Variants in ZFP36L1 observed in about 807,000 individuals in gnomAD.
ZFP36L1 encodes ZFP36 like 1 zinc finger CCCH-type.
Under a neutral mutation model 16.7 loss-of-function variants are expected in ZFP36L1, and 4 were observed. The ratio of observed to expected loss-of-function variants is 0.24; its 90% CI spans 0.12 to 0.55. The LOEUF (loss-of-function observed/expected upper bound fraction) is 0.55. Among genes scored for constraint, ZFP36L1 ranks in the 20% least tolerant of loss-of-function variants. The pLI is 0.94. For synonymous variants in ZFP36L1, 220 were observed against 190.8 expected (o/e 1.15, Z -1.26); for missense variants, 311 against 449.2 (o/e 0.69, Z 2.78).
At chr14:68,796,171 G>A, upstream of ZFP36L1, 1 of 1,366,618 alleles carries the variant, frequency 7.3e-7, no homozygotes. Context: ...GCGTCCCTTC[G>A]TGGGGAGGGG....
Position 68,790,319 on chromosome 14 carries a change from G to T in ZFP36L1, c.231C>A (p.Pro77=). The change falls in exon 2 of 2, where the codon CCC becomes CCA. Residue 77 remains proline, a synonymous_variant. Coordinates refer to ENST00000439696, the MANE Select transcript of ZFP36L1 (RefSeq NM_004926.4). ...AGCGGCTGTCTCGCGAGCTCAGAGC[G>T]GGGGCTGGCTCACCCTTGAGGCTGC... ...LLSSLKGEPA[P]ALSSRDSRFR... 2.5e-6 allele frequency: 4 copies of T among 1,610,252 alleles called. No individual in the cohort carries two copies. The highest frequency in any genetic ancestry group is 1.7e-5 in the Admixed American group (1 of 59,992).
At chr14:68,793,122 G>A (rs1171057495), upstream of ZFP36L1, 2 of 1,337,936 alleles carry the variant, frequency 1.5e-6, no homozygotes, top group African/African-American at 1.5e-5. Context: ...GGGCCGGGGG[G>A]AGGAGGAGCT....
In ZFP36L1 at chr14:68,789,346, TC is replaced by T. The variant is rs1196277661; in HGVS notation, c.*186del. ...AAGAAGCTACTGACAAATTGACTTG[TC>T]CTTATGTTAGGTGGGGTTATGAGGG... On this transcript the variant is annotated 3_prime_UTR_variant, in exon 2 of 2. Coordinates refer to ENST00000439696, the MANE Select transcript of ZFP36L1 (RefSeq NM_004926.4). This position sits in a 1 kb window ranked among gnomAD's most constrained non-coding sequence, Gnocchi z 4.5. The T allele has an allele frequency of 1.2e-6, 1 of 809,716 alleles. No individual in the cohort carries two copies. The highest frequency in any genetic ancestry group is 1.9e-6 in the Non-Finnish European group (1 of 533,858). 50.2% of individuals were successfully genotyped at this position (809,716 alleles called of 1,614,324 possible).
chr14:68,792,847 A>T (rs577667719), intron 1 of ZFP36L1, 35 bp downstream of exon 1: 23 of 1,613,728 alleles, frequency 1.4e-5, no homozygotes, highest in Middle Eastern at 1.7e-4. Flanking sequence ...AAAGAAAAAG[A>T]CTTTTTGAAA....
upstream of ZFP36L1, chr14:68,796,082 G>A (rs775294198): frequency 7.4e-7 from 1 of 1,357,518 alleles, no homozygotes; most frequent in South Asian, 1.1e-5. Context: ...CACCTGCACT[G>A]CCGCTTCCGA....
Position 68,790,018 on chromosome 14 carries a change from T to C in ZFP36L1, c.532A>G (p.Asn178Asp). Residue 178 changes from asparagine (N) to aspartate (D), a missense_variant, in exon 2 of 2, where the codon AAC (asparagine) becomes GAC (aspartate). Asn to Asp is a conservative substitution (Grantham distance 23). This residue lies in a region of ZFP36L1 where 147 missense variants were observed against 192.0 expected (regional missense o/e 0.77). Transcript: ENST00000439696. ...GCCAGGGCACGGCGCTCTTCAGCGT[T>C]GTGGATGAAGTGGCAGCGGGGCCCG... Reference protein sequence around the residue: ...PYGPRCHFIHNAEERRALAGA... With the variant: ...PYGPRCHFIHDAEERRALAGA... The C allele has an allele frequency of 6.2e-7, 1 of 1,609,738 alleles. No homozygotes were observed. The highest frequency in any genetic ancestry group is 8.5e-7 in the Non-Finnish European group (1 of 1,178,524).
chr14:68,794,737 A>C (rs1895202954), upstream of ZFP36L1: 1 of 152,250 alleles, frequency 6.6e-6, no homozygotes, highest in African/African-American at 2.4e-5. Context: ...CCCAACACAC[A>C]CTTTTTTTTA....
intron 1 of ZFP36L1, among the ~76,000 whole-genome samples, chr14:68,791,969 A>C (rs1470964298): frequency 1.3e-5 from 2 of 152,222 alleles, no homozygotes; most frequent in Non-Finnish European, 2.9e-5. Flanking sequence ...GTAGCCCAGC[A>C]GCTTCACCCT....
chr14:68,792,775 G>A (rs1594718435), intron 1 of ZFP36L1, 107 bp downstream of exon 1: 7 of 1,458,836 alleles, frequency 4.8e-6, no homozygotes, highest in East Asian at 4.6e-5. Context: ...GAATCATCTC[G>A]CTGCACCACT....
chr14:68,792,832 A>G (rs1566561116), intron 1 of ZFP36L1, 50 bp downstream of exon 1: 3 of 1,611,936 alleles, frequency 1.9e-6, no homozygotes, highest in Non-Finnish European at 1.7e-6. Context: ...TTCTTTCTTA[A>G]GGCAAAAGAA....
chr14:68,791,024 T>C (rs1160112612), intron 1 of ZFP36L1: 1 of 702,140 alleles, frequency 1.4e-6, no homozygotes, highest in Non-Finnish European at 2.6e-6. Flanking sequence ...AAGTGTTCCC[T>C]TCCTTTGGCA....
At chr14:68,796,216 G>T, upstream of ZFP36L1, 1 of 1,366,790 alleles carries the variant, frequency 7.3e-7, no homozygotes, top group Non-Finnish European at 9.8e-7. Flanking sequence ...GTGGTGGTGG[G>T]GTGGGATGTT....
intron 1 of ZFP36L1, 147 bp downstream of exon 1, chr14:68,792,735 C>T: frequency 1.6e-6 from 2 of 1,228,082 alleles, no homozygotes; most frequent in Non-Finnish European, 1.2e-6. Context: ...CAAATTCCTT[C>T]AAACTTGGGA....
intron 1 of ZFP36L1, among the ~76,000 whole-genome samples, chr14:68,792,427 A>C (rs2140211904): frequency 6.6e-6 from 1 of 152,206 alleles, no homozygotes; most frequent in East Asian, 1.9e-4. Context: ...GTGGAGGAAA[A>C]CATTGTCCCG....
Position 68,789,001 on chromosome 14 carries a change from C to G in ZFP36L1, c.*532G>C, listed in dbSNP as rs1191141623. On this transcript the variant is annotated 3_prime_UTR_variant, in exon 2 of 2. Transcript: ENST00000439696. The surrounding 1 kb of genome is among the most constrained non-coding windows in gnomAD (Gnocchi z 4.5). ...GAAGAGGGGAGGAGGAATAAGTGTG[C>G]GGGAGACTGAAATGAGGGAAGGTGC... The G allele has an allele frequency of 6.5e-6, 1 of 153,016 alleles. No homozygotes were observed. 9.5% of individuals were successfully genotyped at this position (153,016 alleles called of 1,614,324 possible).
chr14:68,792,249 A>G (rs1190590384), intron 1 of ZFP36L1, among the ~76,000 whole-genome samples: 1 of 151,756 alleles, frequency 6.6e-6, no homozygotes, highest in Non-Finnish European at 1.5e-5. Flanking sequence ...AAGCGGGTCA[A>G]CCTGAATGCC....
At chr14:68,790,588 T>C in intron 1 of ZFP36L1, 96 bp from the exon 2 acceptor site, 1 of 1,510,004 alleles carries the variant, frequency 6.6e-7, no homozygotes, top group South Asian at 1.2e-5. Flanking sequence ...GCCCGCTCTT[T>C]CTCAAAGAAC....
Position 68,790,186 on chromosome 14 carries a change from G to A in ZFP36L1, c.364C>T (p.Pro122Ser). ...SSRYKTELCRPFEENGACKYG... is the reference protein window; with the variant it reads ...SSRYKTELCRSFEENGACKYG... ...TTACAGGCACCGTTTTCCTCAAAGG[G>A]GCGGCACAGCTCCGTCTTGTAGCGG... is the stretch of plus-strand genomic sequence containing the variant. The change falls in exon 2 of 2, where the codon CCC becomes TCC. Residue 122 changes from proline (P) to serine (S), a missense_variant. Pro to Ser is a moderately conservative substitution (Grantham distance 74). Around this residue, in one of 4 missense-constraint regions of ZFP36L1, gnomAD observed 24 missense variants for 88.8 expected, o/e 0.27. Transcript: ENST00000439696. The A allele has an allele frequency of 6.2e-7, 1 of 1,612,698 alleles. No individual in the cohort carries two copies. The highest frequency in any genetic ancestry group is 8.5e-7 in the Non-Finnish European group (1 of 1,179,092).
upstream of ZFP36L1, chr14:68,796,016 G>C: frequency 7.6e-7 from 1 of 1,324,034 alleles, no homozygotes; most frequent in Non-Finnish European, 1.0e-6. Flanking sequence ...CCAACTTCGC[G>C]GTGCATTCCG....
Sources: allele counts gnomAD v4.1 joint callset (sites outside exome capture counted in the v4.1 genomes callset), GRCh38; gene constraint gnomAD v4.1.1; regional missense constraint gnomAD v4.1.1; non-coding constraint Gnocchi (gnomAD v3.1); transcripts MANE v1.5; gene names NCBI Gene and HGNC (gene_info 2026-07-23, HGNC 2026-07-21).